The following SMNDC1 variants were observed in gnomAD, a reference collection of about 807,000 sequenced individuals.
SMNDC1 encodes survival motor neuron domain containing 1.
Under a neutral mutation model 29.2 loss-of-function variants are expected in SMNDC1, and 5 were observed. The ratio of observed to expected loss-of-function variants is 0.17; its 90% confidence interval spans 0.09 to 0.36. SMNDC1 has a LOEUF of 0.36. SMNDC1 is among the 10% of genes least tolerant of loss of function. The probability of loss-of-function intolerance (pLI) is 1.00; values close to 1 mark genes in which losing one functional copy is unlikely to be tolerated. For synonymous variants in SMNDC1, 80 were observed against 89.9 expected (o/e 0.89, Z 0.62); for missense variants, 142 against 268.5 (o/e 0.53, Z 3.29).
intron 2 of SMNDC1, among the ~76,000 whole-genome samples, chr10:110,301,945 C>T (rs1857656256): frequency 6.6e-6 from 1 of 152,168 alleles, no homozygotes; most frequent in Non-Finnish European, 1.5e-5. Context: ...GATGATAATG[C>T]TATTTCTAAC....
rs189709760 is a variant in SMNDC1 at position 110,291,467 on chromosome 10, T to G, written c.*2683A>C. 46 of 152,364 alleles carry G rather than the reference T, an allele frequency of 3.0e-4. 1 individual carries two copies. The highest frequency in any genetic ancestry group is 2.8e-3 in the Admixed American group (43 of 15,296). The allele number at this position is 152,364 out of a possible 1,614,324, so 9.4% of individuals were successfully genotyped here. A position where few individuals can be genotyped will look rare whatever the true frequency, so the allele number is the denominator to read the frequency against. On this transcript the variant is annotated 3_prime_UTR_variant, in exon 6 of 6. Coordinates refer to ENST00000369603, the MANE Select transcript of SMNDC1 (RefSeq NM_005871.4). Reference sequence around the variant, plus strand: ...AAATCATAAACAATGGGTATTGTTATCCATTGTAATGTGGATTGCTATTCA... The same window carrying G: ...AAATCATAAACAATGGGTATTGTTAGCCATTGTAATGTGGATTGCTATTCA...
Position 110,290,907 on chromosome 10 carries a change from CAT to C in SMNDC1, c.*3241_*3242del, listed in dbSNP as rs1456545385. ...ATTATAAAATTACAATCTACAGACA[CAT>C]GAGTCACACAACTACAGTTTTCCTT... On this transcript the variant is annotated 3_prime_UTR_variant, in exon 6 of 6. Transcript: ENST00000369603. The C allele has an allele frequency of 6.6e-6, 1 of 152,132 alleles. No individual in the cohort carries two copies. Among genetic ancestry groups the C allele is most frequent in the Non-Finnish European group, 1.5e-5 (1 of 68,034 alleles). The allele number at this position is 152,132 out of a possible 1,614,324, so 9.4% of individuals were successfully genotyped here.
chr10:110,294,603 G>A (rs1002932153), intron 5 of SMNDC1, among the ~76,000 whole-genome samples: 2 of 152,176 alleles, frequency 1.3e-5, no homozygotes, highest in African/African-American at 4.8e-5. Context: ...CATGATTAAA[G>A]CTCTGGCTGT....
chr10:110,295,091 G>C, intron 5 of SMNDC1, 137 bp downstream of exon 5: 1 of 680,956 alleles, frequency 1.5e-6, no homozygotes, highest in Non-Finnish European at 2.4e-6. Flanking sequence ...AAGTTAAATT[G>C]AGCATCAACA....
At chr10:110,299,369 A>G (rs901298246) in intron 2 of SMNDC1, among the ~76,000 whole-genome samples, 3 of 152,232 alleles carry the variant, frequency 2.0e-5, no homozygotes, top group Non-Finnish European at 4.4e-5. Flanking sequence ...TAAGCAAATT[A>G]CCAGGTTAGA....
rs550868367 is a variant in SMNDC1, at chr10:110,292,705, A to C, written c.*1445T>G. ...AAGAAAAAGTGACCCTCCTGGGTTGAGAGGGGTGGGTGTGGAAGGGAGAGA... is the reference window on the plus strand; with the variant it reads ...AAGAAAAAGTGACCCTCCTGGGTTGCGAGGGGTGGGTGTGGAAGGGAGAGA... On this transcript the variant is annotated 3_prime_UTR_variant, in exon 6 of 6. Coordinates refer to ENST00000369603, the MANE Select transcript of SMNDC1 (RefSeq NM_005871.4). 5 of 152,216 alleles carry C rather than the reference A, an allele frequency of 3.3e-5. No homozygotes were observed. The East Asian group carries it at 9.6e-4, about 29-fold the overall frequency. The allele number at this position is 152,216 out of a possible 1,614,324, so 9.4% of individuals were successfully genotyped here.
intron 1 of SMNDC1, chr10:110,304,482 G>A (rs1216264612): frequency 6.6e-6 from 1 of 152,260 alleles, no homozygotes; most frequent in Non-Finnish European, 1.5e-5. Flanking sequence ...CGCTCCAACA[G>A]GCAGGCTCCA....
intron 2 of SMNDC1, among the ~76,000 whole-genome samples, chr10:110,301,453 G>T (rs769724384): frequency 1.3e-5 from 2 of 152,196 alleles, no homozygotes; most frequent in African/African-American, 4.8e-5. Flanking sequence ...TCTAATGATA[G>T]AATAAAATGG....
intron 2 of SMNDC1, 72 bp downstream of exon 2, chr10:110,303,396 C>T (rs533746795): frequency 7.0e-7 from 1 of 1,433,760 alleles, no homozygotes; most frequent in East Asian, 2.5e-5. Flanking sequence ...TCAAAAGGCG[C>T]TTTGGGTACT....
At chr10:110,303,823 C>T (rs1042033662) in intron 1 of SMNDC1, 31 of 424,828 alleles carry the variant, frequency 7.3e-5, no homozygotes, top group Non-Finnish European at 1.2e-4. Context: ...TTTAAAAAAG[C>T]ATACAGATAC....
chr10:110,304,674 T>C (rs1001484272), intron 1 of SMNDC1, 74 bp downstream of exon 1: 1 of 152,264 alleles, frequency 6.6e-6, no homozygotes, highest in African/African-American at 2.4e-5. Context: ...CTCCTCAGCC[T>C]TGGGCCTCCG....
chr10:110,291,568 G>A lies in SMNDC1; in HGVS notation c.*2582C>T, dbSNP rs1857500100. On this transcript the variant is annotated 3_prime_UTR_variant, in exon 6 of 6. Coordinates refer to ENST00000369603, the MANE Select transcript of SMNDC1 (RefSeq NM_005871.4). ...TAGCAGACGCTTCTATAGTGCTTATGCCGGATACTCTTAAGCTATTTACAC... is the reference window on the plus strand; with the variant it reads ...TAGCAGACGCTTCTATAGTGCTTATACCGGATACTCTTAAGCTATTTACAC... The A allele has an allele frequency of 1.3e-5, 2 of 152,136 alleles. No homozygotes were observed. The highest frequency in any genetic ancestry group is 4.8e-5 in the African/African-American group (2 of 41,408). 9.4% of individuals were successfully genotyped at this position (152,136 alleles called of 1,614,324 possible).
At chr10:110,296,285 A>T (rs1857561406) in intron 4 of SMNDC1, among the ~76,000 whole-genome samples, 1 of 152,204 alleles carries the variant, frequency 6.6e-6, no homozygotes, top group Non-Finnish European at 1.5e-5. Flanking sequence ...TCTCACCAAA[A>T]GGATGAAAAG....
chr10:110,299,412 A>T (rs1358488193), intron 2 of SMNDC1, among the ~76,000 whole-genome samples: 2 of 152,230 alleles, frequency 1.3e-5, no homozygotes, highest in African/African-American at 2.4e-5. Context: ...TGTTAAGCAC[A>T]TTAGCACAGC....
intron 2 of SMNDC1, among the ~76,000 whole-genome samples, chr10:110,301,537 C>G (rs141940551): frequency 8.7e-4 from 132 of 152,336 alleles, no homozygotes; most frequent in African/African-American, 3.2e-3. Flanking sequence ...ACTTGCACTT[C>G]TAAATCCTTG....
Position 110,295,370 on chromosome 10 carries a change from A to G in SMNDC1, c.437T>C (p.Ile146Thr). The G allele has an allele frequency of 6.3e-7, 1 of 1,588,082 alleles. No homozygotes were observed. The highest frequency in any genetic ancestry group is 1.2e-5 in the South Asian group (1 of 85,318). The change falls in exon 5 of 6, where the codon ATT becomes ACT. Residue 146 changes from isoleucine (I) to threonine (T), a missense_variant. Ile to Thr is a moderately conservative substitution (Grantham distance 89, BLOSUM62 -1). This residue lies in a region of SMNDC1 where 54 missense variants were observed against 152.1 expected (regional missense o/e 0.36). Coordinates refer to ENST00000369603, the MANE Select transcript of SMNDC1 (RefSeq NM_005871.4). Reference protein sequence around the residue: ...GNKPMSKKEMIAQQREYKKKK... With the variant: ...GNKPMSKKEMTAQQREYKKKK... ...CTTTTTATATTCACGCTGCTGGGCA[A>G]TCATTTCTTTTCTGCATGAAAAAAA...
At position 110,298,628 on chromosome 10, in the gene SMNDC1, G is replaced by T; in HGVS notation, c.263+20C>A. On this transcript the variant is annotated intron_variant, in intron 3 of 5. Transcript: ENST00000369603. ...TTTATTATTTCATGTTATAGTTAGAGTTTTTTTTTCTACACTTACTGTCCA... is the reference window on the plus strand; with the variant it reads ...TTTATTATTTCATGTTATAGTTAGATTTTTTTTTTCTACACTTACTGTCCA... 1.3e-6 allele frequency: 2 copies of T among 1,542,636 alleles called. No homozygotes were observed. Among genetic ancestry groups the T allele is most frequent in the Non-Finnish European group, 1.8e-6 (2 of 1,132,656 alleles).
chr10:110,296,545 C>G (rs1329532380), intron 4 of SMNDC1, among the ~76,000 whole-genome samples: 1 of 152,082 alleles, frequency 6.6e-6, no homozygotes, highest in Non-Finnish European at 1.5e-5. Context: ...CAGAAGTTCA[C>G]CAAAATATTG....
intron 4 of SMNDC1, among the ~76,000 whole-genome samples, chr10:110,295,915 T>TA (rs1426993256): frequency 2.0e-5 from 3 of 152,228 alleles, no homozygotes; most frequent in Non-Finnish European, 4.4e-5. Context: ...GTGTTGGGAT[T>TA]ACAGGCTTGA....
Sources: gnomAD v4.1 joint callset for allele counts (sites outside exome capture counted in the v4.1 genomes callset) on GRCh38, gnomAD v4.1.1 for gene constraint, gnomAD v4.1.1 regional missense constraint, MANE v1.5 for transcripts, NCBI Gene and HGNC (gene_info 2026-07-23, HGNC 2026-07-21) for gene names.